Variants in GRIN3A observed in about 807,000 individuals in gnomAD.
GRIN3A encodes glutamate receptor ionotropic, NMDA 3A.
GRIN3A carries 47 observed loss-of-function variants against 92.4 expected under a neutral mutation model. That is an observed-to-expected ratio of 0.51 (90% CI 0.40 to 0.65). The LOEUF is 0.65. Ranked by LOEUF, GRIN3A falls within the 30% of genes least tolerant of loss-of-function variation. The probability of loss-of-function intolerance (pLI) is 0.00; values close to 1 mark genes in which losing one functional copy is unlikely to be tolerated. For missense variants in GRIN3A, 1,324 were observed against 1,393.1 expected, an observed-to-expected ratio of 0.95 and a Z score of 0.79; for synonymous variants, 527 against 540.6, an observed-to-expected ratio of 0.97 and a Z score of 0.35.
At chr9:101,621,556 G>T (rs1440449532) in intron 5 of GRIN3A, among the ~76,000 whole-genome samples, 1 of 152,136 alleles carries the variant, frequency 6.6e-6, no homozygotes, top group Non-Finnish European at 1.5e-5. Flanking sequence ...TGCAGGGAGG[G>T]CTTTTCCATG....
chr9:101,594,817 T>C (rs1285815664), intron 6 of GRIN3A: 2 of 1,611,904 alleles, frequency 1.2e-6, no homozygotes, highest in Non-Finnish European at 1.7e-6. Flanking sequence ...TCAGAGACCC[T>C]GATTTGTCCA....
In GRIN3A at chr9:101,571,877, A is replaced by C. The variant is rs1048152008; in HGVS notation, c.*1297T>G. 6.6e-6 allele frequency: 1 copy of C among 152,202 alleles called. No homozygotes were observed. The highest frequency in any genetic ancestry group is 1.5e-5 in the Non-Finnish European group (1 of 68,072). 9.4% of individuals were successfully genotyped at this position (152,202 alleles called of 1,614,324 possible). ...CAATCCGCACTCTGATGAGTTCTCTACTAGATGACTCTTATCTACATTGAC... is the reference window on the plus strand; with the variant it reads ...CAATCCGCACTCTGATGAGTTCTCTCCTAGATGACTCTTATCTACATTGAC... On this transcript the variant is annotated 3_prime_UTR_variant, in exon 9 of 9. Transcript: ENST00000361820.
chr9:101,656,641 G>T (rs1200434753), intron 3 of GRIN3A, among the ~76,000 whole-genome samples: 2 of 151,862 alleles, frequency 1.3e-5, no homozygotes, highest in Non-Finnish European at 2.9e-5. Flanking sequence ...GCCTGAGATT[G>T]GGTCTGAGAT....
intron 3 of GRIN3A, among the ~76,000 whole-genome samples, chr9:101,647,217 T>G (rs1027239196): frequency 5.3e-5 from 8 of 152,114 alleles, no homozygotes; most frequent in African/African-American, 1.9e-4. Flanking sequence ...CTGCTGAATT[T>G]TATGAATGCT....
rs567111973 is a variant in GRIN3A, at chr9:101,590,413, G to A, written c.2767-11053C>T. 8.2e-4 allele frequency among the ~76,000 whole-genome samples: 104 copies of A among 127,454 alleles called. 2 individuals are homozygous for A. Among genetic ancestry groups the A allele is most frequent in the African/African-American group, 2.5e-3 (95 of 37,722 alleles). The allele number at this position is 127,454 out of a possible 152,430, so 83.6% of individuals were successfully genotyped here. A position where few individuals can be genotyped will look rare whatever the true frequency, so the allele number is the denominator to read the frequency against. On this transcript the variant is annotated intron_variant, in intron 6 of 8. Transcript: ENST00000361820. ...ATTTATTTTTTTGAGATGGAATCTC[G>A]CTCTGTCACCCAGGCTGGAGTGCAG... is the stretch of plus-strand genomic sequence containing the variant.
At chr9:101,615,954 T>A (rs1012834680) in intron 5 of GRIN3A, among the ~76,000 whole-genome samples, 2 of 152,234 alleles carry the variant, frequency 1.3e-5, no homozygotes, top group African/African-American at 4.8e-5. Flanking sequence ...TATGGCCCAG[T>A]TCTCCCTTAT....
intron 1 of GRIN3A, among the ~76,000 whole-genome samples, chr9:101,718,214 GGAGA>G (rs1040382224): frequency 3.5e-4 from 54 of 152,186 alleles, no homozygotes; most frequent in African/African-American, 1.3e-3. Flanking sequence ...TGAGAGAGGA[GGAGA>G]GAGACACATG....
chr9:101,661,931 T>G (rs1829176753), intron 3 of GRIN3A, among the ~76,000 whole-genome samples: 1 of 151,910 alleles, frequency 6.6e-6, no homozygotes, highest in African/African-American at 2.4e-5. Context: ...TGTTTTAATT[T>G]AGCATTTCTT....
intron 2 of GRIN3A, among the ~76,000 whole-genome samples, chr9:101,684,791 C>G (rs1481841975): frequency 2.0e-5 from 3 of 152,170 alleles, no homozygotes; most frequent in African/African-American, 7.2e-5. Flanking sequence ...TTACATGAGA[C>G]AAAAAGATGC....
Position 101,692,056 on chromosome 9 carries a change from T to C in GRIN3A, c.700-4856A>G, listed in dbSNP as rs143628220. 5.3e-3 allele frequency among the ~76,000 whole-genome samples: 803 copies of C among 152,352 alleles called. 15 individuals carry two copies. Among genetic ancestry groups the C allele is most frequent in the Admixed American group, 0.032 (495 of 15,282 alleles). ...GTTGTTACAATTGACTTACAGAGTT[T>C]AGTCACTGTTGGAAGTGACTGACTG... On this transcript the variant is annotated intron_variant, in intron 1 of 8. Coordinates refer to ENST00000361820, the MANE Select transcript of GRIN3A (RefSeq NM_133445.3).
chr9:101,737,384 A>C lies in GRIN3A; in HGVS notation c.596T>G (p.Phe199Cys), dbSNP rs1377881796. The C allele has an allele frequency of 6.2e-7, 1 of 1,614,112 alleles. No individual in the cohort carries two copies. The change falls in exon 1 of 9, where the codon TTC becomes TGC. Residue 199 changes from phenylalanine to cysteine, a missense_variant. Coordinates refer to ENST00000361820, the MANE Select transcript of GRIN3A (RefSeq NM_133445.3). ...CATCATTTCGCCCTGGCTCTGGGGGAAGGCGAGCAGCGCCGACACCCCTTG... is the reference window on the plus strand; with the variant it reads ...CATCATTTCGCCCTGGCTCTGGGGGCAGGCGAGCAGCGCCGACACCCCTTG... ...VVQGVSALLA[F>C]PQSQGEMMEL...
intron 3 of GRIN3A, among the ~76,000 whole-genome samples, chr9:101,656,984 C>T (rs969864260): frequency 2.6e-5 from 4 of 151,884 alleles, no homozygotes; most frequent in Admixed American, 2.6e-4. Flanking sequence ...ATATATTCCC[C>T]TTGTTCTCTA....
At chr9:101,688,827 C>G (rs1346075164) in intron 1 of GRIN3A, among the ~76,000 whole-genome samples, 1 of 152,048 alleles carries the variant, frequency 6.6e-6, no homozygotes, top group Non-Finnish European at 1.5e-5. Flanking sequence ...AAAATTGCAC[C>G]ACTGTACTCC....
intron 1 of GRIN3A, among the ~76,000 whole-genome samples, chr9:101,699,157 TA>T (rs1346802231): frequency 6.6e-6 from 1 of 152,248 alleles, no homozygotes; most frequent in Non-Finnish European, 1.5e-5. Flanking sequence ...AATTTGTTTT[TA>T]TTTTTTAAAA....
At chr9:101,607,186 G>C (rs1166686867) in intron 6 of GRIN3A, among the ~76,000 whole-genome samples, 1 of 151,734 alleles carries the variant, frequency 6.6e-6, no homozygotes, top group Non-Finnish European at 1.5e-5. Context: ...TTATCTTCCA[G>C]AGAAACTGTG....
intron 6 of GRIN3A, among the ~76,000 whole-genome samples, chr9:101,605,226 A>G (rs944378504): frequency 6.6e-6 from 1 of 152,246 alleles, no homozygotes; most frequent in Non-Finnish European, 1.5e-5. Flanking sequence ...TGATTTGTCA[A>G]AGGTCATGGA....
intron 3 of GRIN3A, among the ~76,000 whole-genome samples, chr9:101,638,688 C>T (rs944548653): frequency 6.6e-6 from 1 of 152,198 alleles, no homozygotes; most frequent in Non-Finnish European, 1.5e-5. Flanking sequence ...CTTTTAAAAT[C>T]CTTAGAATAG....
chr9:101,635,421 C>T (rs1828772910), intron 3 of GRIN3A, among the ~76,000 whole-genome samples: 2 of 152,150 alleles, frequency 1.3e-5, no homozygotes, highest in Admixed American at 1.3e-4. Context: ...GCCCACAAAA[C>T]CTAAAATCTT....
chr9:101,688,079 T>C (rs896257196), intron 1 of GRIN3A, among the ~76,000 whole-genome samples: 2 of 152,206 alleles, frequency 1.3e-5, no homozygotes, highest in African/African-American at 4.8e-5. Context: ...AGGGGCACAA[T>C]AAATATTGAT....
Sources: allele counts gnomAD v4.1 joint callset (sites outside exome capture counted in the v4.1 genomes callset), GRCh38; gene constraint gnomAD v4.1.1; transcripts MANE v1.5; gene names NCBI Gene and HGNC (gene_info 2026-07-23, HGNC 2026-07-21).